Variants in WDR44 observed in about 807,000 individuals in gnomAD.
WDR44 encodes WD repeat domain 44.
WDR44 carries 9 observed loss-of-function variants against 65.7 expected under a neutral mutation model. The ratio of observed to expected loss-of-function variants is 0.14; its 90% CI spans 0.08 to 0.24. WDR44 has a LOEUF of 0.24. WDR44 is among the 10% of genes least tolerant of loss of function. WDR44 has a pLI of 1.00. For missense variants in WDR44, 425 were observed against 670.9 expected, an observed-to-expected ratio of 0.63 and a Z score of 4.05; for synonymous variants, 220 against 235.2, an observed-to-expected ratio of 0.94 and a Z score of 0.59.
Position 118,449,006 on chromosome X carries a change from A to T in WDR44, c.*19A>T. Reference sequence around the variant, plus strand: ...ATCTTAATTTGAAATGGCATTTAAAATAAACATATCAGTAAGTTTCTATAT... The same window carrying T: ...ATCTTAATTTGAAATGGCATTTAAATTAAACATATCAGTAAGTTTCTATAT... On this transcript the variant is annotated 3_prime_UTR_variant, in exon 20 of 20. Coordinates refer to ENST00000254029, the MANE Select transcript of WDR44 (RefSeq NM_019045.5). The T allele has an allele frequency of 9.3e-7, 1 of 1,069,776 alleles. No homozygotes were observed. The highest frequency in any genetic ancestry group is 2.0e-5 in the South Asian group (1 of 49,391). 88.2% of individuals were successfully genotyped at this position (1,069,776 alleles called of 1,213,427 possible).
chrX:118,368,915 A>G, intron 1 of WDR44, among the ~76,000 whole-genome samples: 1 of 105,645 alleles, frequency 9.5e-6, no homozygotes, highest in African/African-American at 3.5e-5. Context: ...TTTAGTAGAG[A>G]TGGGATTTCG....
chrX:118,423,919 A>G (rs1341725485), intron 12 of WDR44, among the ~76,000 whole-genome samples: 1 of 111,590 alleles, frequency 9.0e-6, no homozygotes, highest in East Asian at 2.8e-4. Context: ...TCATGTTATC[A>G]CAAATGCCAG....
At chrX:118,411,014 C>A in intron 12 of WDR44, 55 bp downstream of exon 12, 1 of 972,637 alleles carries the variant, frequency 1.0e-6, no homozygotes, top group Non-Finnish European at 1.4e-6. Flanking sequence ...AATTTGTTTA[C>A]CATAAAGTAT....
At chrX:118,395,459 G>A (rs1034450835) in intron 6 of WDR44, 115 bp downstream of exon 6, 10 of 558,977 alleles carry the variant, frequency 1.8e-5, no homozygotes, top group Non-Finnish European at 2.8e-5. Context: ...CAATGTGAAT[G>A]TACTTAATGA....
At chrX:118,360,609 A>C (rs1417048195) in intron 1 of WDR44, among the ~76,000 whole-genome samples, 1 of 111,722 alleles carries the variant, frequency 9.0e-6, no homozygotes. Flanking sequence ...TTAGTTGCTT[A>C]CTTTAATGAC....
intron 3 of WDR44, among the ~76,000 whole-genome samples, chrX:118,390,484 A>G (rs1302909517): frequency 8.9e-6 from 1 of 111,965 alleles, no homozygotes; most frequent in Non-Finnish European, 1.9e-5. Context: ...ATTATAGTTC[A>G]TACTATACTG....
chrX:118,360,034 G>A (rs1189907215), intron 1 of WDR44, among the ~76,000 whole-genome samples: 2 of 111,902 alleles, frequency 1.8e-5, no homozygotes, highest in Non-Finnish European at 3.8e-5. Context: ...TTTTCCTGCT[G>A]TTTTTAGACT....
intron 4 of WDR44, 101 bp downstream of exon 4, chrX:118,393,372 C>T: frequency 1.1e-6 from 1 of 894,738 alleles, no homozygotes; most frequent in Non-Finnish European, 1.5e-6. Context: ...CGCTTGAGCT[C>T]AGTTCAAGAC....
intron 12 of WDR44, among the ~76,000 whole-genome samples, chrX:118,424,617 G>A (rs1173755514): frequency 9.1e-6 from 1 of 109,345 alleles, no homozygotes; most frequent in Non-Finnish European, 1.9e-5. Flanking sequence ...TTAGATAAAC[G>A]GTTTGCAAAT....
intron 12 of WDR44, among the ~76,000 whole-genome samples, chrX:118,419,308 A>G (rs180719366): frequency 3.6e-5 from 4 of 111,802 alleles, no homozygotes; most frequent in African/African-American, 9.7e-5. Flanking sequence ...CTGTGGTGCC[A>G]GGCAGGAATG....
At chrX:118,432,677 T>G (rs142268441) in intron 12 of WDR44, 104 bp from the exon 13 acceptor site, 19,308 of 721,848 alleles carry the variant, frequency 0.027, 249 homozygotes, top group Non-Finnish European at 0.033. Flanking sequence ...GACTCAAGAT[T>G]TCAATCAGGC....
intron 1 of WDR44, among the ~76,000 whole-genome samples, chrX:118,374,546 G>C (rs2056640916): frequency 8.9e-6 from 1 of 111,736 alleles, no homozygotes; most frequent in African/African-American, 3.3e-5. Context: ...AGTGTCTTTT[G>C]TTACTAGTTT....
chrX:118,417,314 T>C (rs1394198008), intron 12 of WDR44, among the ~76,000 whole-genome samples: 2 of 112,151 alleles, frequency 1.8e-5, no homozygotes, highest in Non-Finnish European at 3.8e-5. Context: ...TCTGTTTTAA[T>C]GTGTTTCCAG....
At chrX:118,427,091 A>G (rs2057163561) in intron 12 of WDR44, among the ~76,000 whole-genome samples, 1 of 111,395 alleles carries the variant, frequency 9.0e-6, no homozygotes, top group African/African-American at 3.3e-5. Flanking sequence ...ATTTTGACTA[A>G]AAAGTACCTA....
At chrX:118,371,018 C>T (rs1483253473) in intron 1 of WDR44, among the ~76,000 whole-genome samples, 1 of 111,290 alleles carries the variant, frequency 9.0e-6, no homozygotes, top group Non-Finnish European at 1.9e-5. Flanking sequence ...AACTCAGTAG[C>T]CAGAAAACAA....
intron 1 of WDR44, among the ~76,000 whole-genome samples, chrX:118,370,648 A>T (rs1384350760): frequency 9.1e-6 from 1 of 109,460 alleles, no homozygotes; most frequent in Admixed American, 9.8e-5. Context: ...CAGTGGCGCA[A>T]TGTCGGCTCA....
chrX:118,391,095 A>G (rs769813284), intron 3 of WDR44, among the ~76,000 whole-genome samples: 1 of 112,235 alleles, frequency 8.9e-6, no homozygotes, highest in South Asian at 3.7e-4. Flanking sequence ...TTTCCAGAAC[A>G]TTGCTCTGTT....
chrX:118,427,538 G>A (rs2057168402), intron 12 of WDR44, among the ~76,000 whole-genome samples: 2 of 109,439 alleles, frequency 1.8e-5, no homozygotes, highest in Admixed American at 9.8e-5. Context: ...CCAAAGTGCT[G>A]GGATTACAGG....
chrX:118,445,222 G>C (rs1043569089), intron 19 of WDR44: 4 of 208,951 alleles, frequency 1.9e-5, no homozygotes, highest in African/African-American at 1.2e-4. Context: ...GTGAGCCCGG[G>C]AGGCAGAGCT....
Sources: allele counts gnomAD v4.1 joint callset (sites outside exome capture counted in the v4.1 genomes callset), GRCh38; gene constraint gnomAD v4.1.1; transcripts MANE v1.5; gene names NCBI Gene and HGNC (gene_info 2026-07-23, HGNC 2026-07-21).